MORC1: variants seen among roughly 807,000 people sequenced by gnomAD.
The protein encoded by MORC1 is MORC family CW-type zinc finger 1, also known as MORC family CW-type zinc finger protein 1.
Under a neutral mutation model 134.9 loss-of-function variants are expected in MORC1, and 59 were observed. The ratio of observed to expected loss-of-function variants is 0.44; its 90% CI spans 0.35 to 0.54. The LOEUF is 0.54. Among genes scored for constraint, MORC1 ranks in the 20% least tolerant of loss-of-function variants. MORC1 has a pLI of 0.00. For missense variants in MORC1, 947 were observed against 1,134.5 expected (o/e 0.83, Z 2.37); for synonymous variants, 395 against 391.7 (o/e 1.01, Z -0.10).
chr3:109,000,341 G>A (rs981217289), intron 21 of MORC1, among the ~76,000 whole-genome samples: 5 of 152,246 alleles, frequency 3.3e-5, no homozygotes, highest in Admixed American at 6.5e-5. Flanking sequence ...GAAAGGTGCC[G>A]TGGACTAGGG....
In MORC1 at chr3:109,065,554, C is replaced by T. The variant is rs1015764067; in HGVS notation, c.816-2323G>A. ...TGGCATGGCAAAAGTGATGGTCTGT[C>T]ACTTTTAAAGATGGGTTCTAAAAAG... On this transcript the variant is annotated intron_variant, in intron 9 of 27. Coordinates refer to ENST00000232603, the MANE Select transcript of MORC1 (RefSeq NM_014429.4). Among the ~76,000 whole-genome samples the T allele has an allele frequency of 2.1e-4, 32 of 152,176 alleles. 1 individual carries two copies. The highest frequency in any genetic ancestry group is 7.3e-5 in the Non-Finnish European group (5 of 68,030).
intron 14 of MORC1, among the ~76,000 whole-genome samples, chr3:109,041,574 C>A (rs962287850): frequency 3.0e-4 from 45 of 151,814 alleles, no homozygotes; most frequent in African/African-American, 1.0e-3. Flanking sequence ...TTAGCCCGGG[C>A]GCCATGGCTC....
At chr3:108,968,767 G>T (rs1463004171) in intron 26 of MORC1, among the ~76,000 whole-genome samples, 1 of 152,102 alleles carries the variant, frequency 6.6e-6, no homozygotes, top group African/African-American at 2.4e-5. Context: ...CTAATATGGA[G>T]CTAGTGATTA....
chr3:109,083,067 A>G (rs1950551530), intron 8 of MORC1, among the ~76,000 whole-genome samples: 1 of 152,156 alleles, frequency 6.6e-6, no homozygotes, highest in Non-Finnish European at 1.5e-5. Flanking sequence ...AAGGAGCTCC[A>G]ATTCGTCTAG....
intron 14 of MORC1, among the ~76,000 whole-genome samples, chr3:109,041,307 T>A (rs1949540790): frequency 6.8e-6 from 1 of 147,800 alleles, no homozygotes; most frequent in Non-Finnish European, 1.5e-5. Flanking sequence ...AAAGACTCCA[T>A]CTCAAAAAAA....
chr3:109,048,588 C>A (rs1255531061), intron 14 of MORC1, among the ~76,000 whole-genome samples: 1 of 152,100 alleles, frequency 6.6e-6, no homozygotes, highest in African/African-American at 2.4e-5. Context: ...ACAGACTGGG[C>A]GGCCTAAACA....
intron 17 of MORC1, among the ~76,000 whole-genome samples, chr3:109,025,682 AC>A (rs749855758): frequency 1.3e-5 from 2 of 151,732 alleles, no homozygotes; most frequent in Non-Finnish European, 2.9e-5. Context: ...CATGCCCAAC[AC>A]CCCTATATAA....
intron 21 of MORC1, among the ~76,000 whole-genome samples, chr3:108,992,753 T>C (rs1948099319): frequency 6.6e-6 from 1 of 152,298 alleles, no homozygotes; most frequent in Non-Finnish European, 1.5e-5. Context: ...CTTCTCCAGT[T>C]CTGCAGCTCC....
chr3:109,032,433 C>G (rs1005843136), intron 16 of MORC1, among the ~76,000 whole-genome samples: 5 of 152,102 alleles, frequency 3.3e-5, no homozygotes, highest in African/African-American at 1.2e-4. Context: ...TGAAAATGAA[C>G]TGGAAGGAAG....
chr3:109,001,142 A>T (rs962509206), intron 20 of MORC1, among the ~76,000 whole-genome samples: 4 of 151,208 alleles, frequency 2.6e-5, no homozygotes, highest in African/African-American at 9.7e-5. Flanking sequence ...TTTTATTTTT[A>T]TTTTTTTTGA....
intron 15 of MORC1, 38 bp from the exon 16 acceptor site, chr3:109,032,863 G>A (rs368898668): frequency 3.1e-6 from 4 of 1,285,060 alleles, no homozygotes; most frequent in Non-Finnish European, 4.5e-6. Flanking sequence ...AAAGAGATCA[G>A]AAATGAATCT....
At chr3:109,050,552 C>G (rs1576679842) in intron 14 of MORC1, among the ~76,000 whole-genome samples, 2 of 152,254 alleles carry the variant, frequency 1.3e-5, no homozygotes, top group East Asian at 3.9e-4. Flanking sequence ...TCCTGGGGGT[C>G]AGATTTTCAA....
chr3:108,989,542 C>T (rs143752264), intron 21 of MORC1, among the ~76,000 whole-genome samples: 9 of 152,264 alleles, frequency 5.9e-5, no homozygotes, highest in African/African-American at 1.2e-4. Context: ...AAAAAGAACA[C>T]GCCACAGGCA....
At chr3:109,072,782 A>G (rs1463909210) in intron 8 of MORC1, among the ~76,000 whole-genome samples, 1 of 152,150 alleles carries the variant, frequency 6.6e-6, no homozygotes, top group East Asian at 1.9e-4. Context: ...ATTCTTCAAG[A>G]GTATTTCTTC....
At chr3:108,990,770 G>T (rs1405607302) in intron 21 of MORC1, among the ~76,000 whole-genome samples, 1 of 150,526 alleles carries the variant, frequency 6.6e-6, no homozygotes, top group Non-Finnish European at 1.5e-5. Context: ...CAGAATAAAA[G>T]AAAGTAAAAA....
At chr3:109,056,410 G>A (rs1459900767) in intron 13 of MORC1, among the ~76,000 whole-genome samples, 1 of 152,042 alleles carries the variant, frequency 6.6e-6, no homozygotes, top group East Asian at 1.9e-4. Flanking sequence ...TGTATTTCTA[G>A]TAGAGACGGG....
chr3:109,067,413 A>G (rs1354041656), intron 9 of MORC1, among the ~76,000 whole-genome samples: 2 of 152,220 alleles, frequency 1.3e-5, no homozygotes, highest in African/African-American at 4.8e-5. Flanking sequence ...CTCCAGAGAC[A>G]AATTTGTACA....
intron 14 of MORC1, among the ~76,000 whole-genome samples, chr3:109,038,394 T>TCACTCTGATGGTAGTTTC: frequency 6.6e-6 from 1 of 152,298 alleles, no homozygotes; most frequent in Admixed American, 6.5e-5. Flanking sequence ...GGTTGCCTGT[T>TCACTCTGATGGTAGTTTC]CACTCTGATG....
intron 24 of MORC1, among the ~76,000 whole-genome samples, chr3:108,976,528 G>C (rs1947565697): frequency 6.6e-6 from 1 of 151,990 alleles, no homozygotes; most frequent in East Asian, 1.9e-4. Flanking sequence ...ACCTTACAAA[G>C]AAAACAAGAA....
Sources: gnomAD v4.1 joint callset for allele counts (sites outside exome capture counted in the v4.1 genomes callset) on GRCh38, gnomAD v4.1.1 for gene constraint, MANE v1.5 for transcripts, NCBI Gene and HGNC (gene_info 2026-07-23, HGNC 2026-07-21) for gene names.